Variants in PRP4K observed in about 807,000 individuals in gnomAD.
The protein encoded by PRP4K is serine/threonine-protein kinase PRP4 homolog.
chr6:4,049,338 A>G, the PRP4K span: 2 of 479,902 alleles, frequency 4.2e-6, no homozygotes, highest in East Asian at 6.7e-5. Flanking sequence ...AAATATATTC[A>G]AAATTATTTT....
the PRP4K span, chr6:4,044,322 T>C: frequency 3.5e-6 from 1 of 284,050 alleles, no homozygotes; most frequent in African/African-American, 2.2e-5. Flanking sequence ...TGGGTACTTG[T>C]TTGTGTCTCT....
chr6:4,031,290 A>G, the PRP4K span, among the ~76,000 whole-genome samples: 1 of 152,166 alleles, frequency 6.6e-6, no homozygotes, highest in East Asian at 1.9e-4. Flanking sequence ...TCTAACCTGT[A>G]CTTTTTAAGC....
At chr6:4,038,404 C>T in the PRP4K span, among the ~76,000 whole-genome samples, 3 of 151,728 alleles carry the variant, frequency 2.0e-5, no homozygotes, top group Non-Finnish European at 4.4e-5. Context: ...CTGCCTCAGC[C>T]TCTCAAGTAG....
the PRP4K span, chr6:4,021,372 C>T: frequency 2.6e-6 from 4 of 1,553,790 alleles, no homozygotes; most frequent in East Asian, 2.4e-5. Flanking sequence ...CTTCCCCTAC[C>T]CTCCACCGTC....
chr6:4,049,947 T>C, the PRP4K span: 1 of 1,504,362 alleles, frequency 6.6e-7, no homozygotes, highest in Admixed American at 2.1e-5. Flanking sequence ...ATTTTTAAAC[T>C]ATTTTTTTAA....
At chr6:4,056,622 C>T in the PRP4K span, 21 of 1,581,144 alleles carry the variant, frequency 1.3e-5, no homozygotes, top group Non-Finnish European at 1.6e-5. Flanking sequence ...TTGATCATGT[C>T]GGGCAAGAGT....
chr6:4,041,839 A>T, the PRP4K span, among the ~76,000 whole-genome samples: 1 of 152,234 alleles, frequency 6.6e-6, no homozygotes, highest in Non-Finnish European at 1.5e-5. Flanking sequence ...GTTGGATGGG[A>T]GAAGGGCATT....
chr6:4,038,734 GTCT>G, the PRP4K span, among the ~76,000 whole-genome samples: 1 of 152,000 alleles, frequency 6.6e-6, no homozygotes, highest in Non-Finnish European at 1.5e-5. Flanking sequence ...GACACTGCTA[GTCT>G]TCTTGCTCCA....
the PRP4K span, among the ~76,000 whole-genome samples, chr6:4,027,155 C>T: frequency 6.6e-6 from 1 of 152,130 alleles, no homozygotes; most frequent in African/African-American, 2.4e-5. Flanking sequence ...TTTAAAGCAT[C>T]TTAATCAAAT....
the PRP4K span, among the ~76,000 whole-genome samples, chr6:4,030,962 T>A: frequency 6.6e-6 from 1 of 152,220 alleles, no homozygotes; most frequent in Non-Finnish European, 1.5e-5. Context: ...AGTGCTTATT[T>A]TGGGTATAGC....
chr6:4,033,703 G>A, the PRP4K span, among the ~76,000 whole-genome samples: 1 of 151,988 alleles, frequency 6.6e-6, no homozygotes, highest in African/African-American at 2.4e-5. Flanking sequence ...TCTGTGAATG[G>A]GTATAAATAT....
At chr6:4,028,427 G>A in the PRP4K span, among the ~76,000 whole-genome samples, 6 of 152,020 alleles carry the variant, frequency 3.9e-5, 1 homozygote, top group Admixed American at 3.9e-4. Context: ...GGCTGGCCTT[G>A]AACTCCTGGG....
chr6:4,028,431 T>A, the PRP4K span, among the ~76,000 whole-genome samples: 1 of 152,138 alleles, frequency 6.6e-6, no homozygotes, highest in Non-Finnish European at 1.5e-5. Flanking sequence ...GGCCTTGAAC[T>A]CCTGGGCTCA....
the PRP4K span, among the ~76,000 whole-genome samples, chr6:4,060,098 G>A: frequency 6.6e-6 from 1 of 152,184 alleles, no homozygotes; most frequent in Non-Finnish European, 1.5e-5. This position sits in a 1 kb window ranked among gnomAD's most constrained non-coding sequence, Gnocchi z 4.7. Context: ...ACACATCTAG[G>A]GTAAGTAGTA....
chr6:4,049,923 T>C, the PRP4K span: 1 of 1,571,874 alleles, frequency 6.4e-7, no homozygotes, highest in Non-Finnish European at 8.6e-7. Context: ...GTACGGATAC[T>C]TACAGAAGAA....
chr6:4,033,440 CT>C, the PRP4K span, among the ~76,000 whole-genome samples: 1 of 152,022 alleles, frequency 6.6e-6, no homozygotes, highest in Admixed American at 6.6e-5. Context: ...GCTCTCATAC[CT>C]AATTTATAAA....
chr6:4,040,041 A>G, the PRP4K span, among the ~76,000 whole-genome samples: 1 of 151,370 alleles, frequency 6.6e-6, no homozygotes, highest in Non-Finnish European at 1.5e-5. Flanking sequence ...GCACCACCAC[A>G]CCCAGCTAAT....
chr6:4,048,884 T>C, the PRP4K span: 1 of 567,516 alleles, frequency 1.8e-6, no homozygotes, highest in East Asian at 3.1e-5. Context: ...TAAGTGATAG[T>C]AAGAATTTAT....
At chr6:4,032,332 A>G in the PRP4K span, 1 of 1,613,992 alleles carries the variant, frequency 6.2e-7, no homozygotes, top group South Asian at 1.1e-5. Flanking sequence ...AGTAAATCAA[A>G]AGATAGGAAA....
Sources: gnomAD v4.1 joint callset for allele counts (sites outside exome capture counted in the v4.1 genomes callset) on GRCh38, gnomAD v4.1.1 for gene constraint, Gnocchi (gnomAD v3.1) non-coding constraint, MANE v1.5 for transcripts, NCBI Gene and HGNC (gene_info 2026-07-23, HGNC 2026-07-21) for gene names.